The following BIN3 variants were observed in gnomAD, a reference collection of about 807,000 sequenced individuals.
BIN3 encodes bridging integrator 3.
Under a neutral mutation model 38.2 loss-of-function variants are expected in BIN3, and 41 were observed. The ratio of observed to expected loss-of-function variants is 1.07; its 90% CI spans 0.84 to 1.39. The LOEUF (loss-of-function observed/expected upper bound fraction) is 1.39. Ranked by LOEUF, BIN3 falls within the 40% of genes most tolerant of loss-of-function variation. The pLI, the probability that BIN3 is intolerant of heterozygous loss-of-function variation, is 0.00. For synonymous variants in BIN3, 145 were observed against 122.6 expected (o/e 1.18, Z -1.21); for missense variants, 361 against 324.3 (o/e 1.11, Z -0.87).
intron 2 of BIN3, among the ~76,000 whole-genome samples, chr8:22,640,946 T>C (rs1453176434): frequency 6.6e-6 from 1 of 152,064 alleles, no homozygotes; most frequent in African/African-American, 2.4e-5. Flanking sequence ...TTGGACACAT[T>C]TCACCTCCCC....
At chr8:22,630,645 C>T (rs1167234240) in intron 4 of BIN3, 67 bp from the exon 5 acceptor site, 2 of 1,578,640 alleles carry the variant, frequency 1.3e-6, no homozygotes, top group African/African-American at 2.7e-5. Context: ...CTCTCCAGGA[C>T]CCCGTCCTCC....
intron 1 of BIN3, among the ~76,000 whole-genome samples, chr8:22,658,558 G>A (rs1270675300): frequency 1.3e-5 from 2 of 152,170 alleles, no homozygotes; most frequent in Non-Finnish European, 2.9e-5. Flanking sequence ...TCCCTCTGCA[G>A]AGGCAGAGAT....
chr8:22,630,328 G>C (rs1204834714), intron 5 of BIN3, 114 bp downstream of exon 5: 1 of 1,431,988 alleles, frequency 7.0e-7, no homozygotes, highest in East Asian at 2.3e-5. Context: ...GAGGCCAGAG[G>C]GCTTAGAGCC....
chr8:22,621,788 C>A (rs1040982869), intron 8 of BIN3, among the ~76,000 whole-genome samples: 3 of 152,106 alleles, frequency 2.0e-5, no homozygotes, highest in African/African-American at 7.2e-5. Context: ...GGTGGAGGCG[C>A]CCCTGCTTCG....
intron 2 of BIN3, chr8:22,644,522 C>G: frequency 1.9e-6 from 1 of 513,516 alleles, no homozygotes; most frequent in Non-Finnish European, 3.6e-6. Context: ...ACCCATTCCC[C>G]CTGCCCAAGG....
At chr8:22,650,349 T>C (rs927979121) in intron 1 of BIN3, among the ~76,000 whole-genome samples, 5 of 152,242 alleles carry the variant, frequency 3.3e-5, no homozygotes, top group African/African-American at 1.2e-4. Context: ...CTTGGATTAG[T>C]GTTTGCCTTT....
rs367655750 is a variant in BIN3, at chr8:22,630,562, G to A, written c.177C>T (p.Ala59=). 1.7e-4 allele frequency: 281 copies of A among 1,613,918 alleles called. No homozygotes were observed. The South Asian group carries it at 1.8e-3, about 10-fold the overall frequency. ...TDADLAMSKS[A]VKISLDLLSN... ...AGAGTAAGTCCAAGGATATCTTCACGGCAGATTTTGACATGGCTGTGGGAA... is the reference window on the plus strand; with the variant it reads ...AGAGTAAGTCCAAGGATATCTTCACAGCAGATTTTGACATGGCTGTGGGAA... The change falls in exon 5 of 9, where the codon GCC becomes GCT. Residue 59 remains alanine, a synonymous_variant. Transcript: ENST00000276416.
At position 22,621,155 on chromosome 8, in the gene BIN3, C is replaced by G. The variant is rs1335546012; in HGVS notation, c.*267G>C. 1 of 444,500 alleles carries G rather than the reference C, an allele frequency of 2.2e-6. No individual in the cohort carries two copies. The highest frequency in any genetic ancestry group is 4.1e-6 in the Non-Finnish European group (1 of 245,996). 27.5% of individuals were successfully genotyped at this position (444,500 alleles called of 1,614,324 possible). On this transcript the variant is annotated 3_prime_UTR_variant, in exon 9 of 9. Coordinates refer to ENST00000276416, the MANE Select transcript of BIN3 (RefSeq NM_018688.6). ...GGCTGCAGCTTGCTCAGGCCGTGGG[C>G]CAGGATGCATGCTGGACGGTTCTCC...
chr8:22,659,220 G>A (rs1442448505), intron 1 of BIN3, among the ~76,000 whole-genome samples: 1 of 152,204 alleles, frequency 6.6e-6, no homozygotes. Context: ...CAGGAAAGAG[G>A]GACATGAACT....
chr8:22,629,969 T>A lies in BIN3; in HGVS notation c.333A>T (p.Leu111Phe), dbSNP rs761480125. The change falls in exon 6 of 9, where the codon TTA becomes TTT. Residue 111 changes from leucine (L) to phenylalanine (F), a missense_variant. Physicochemically the swap from Leu to Phe is conservative, Grantham distance 22. Transcript: ENST00000276416. ...CCCAGGTGACATTTACTCACTTTTT[T>A]AAGGGCTCGATCACAGTCTTCTGGA... ...NQIQKTVIEP[L>F]KKFGSVFPSL... is the part of the protein sequence containing the mutation. 1.2e-6 allele frequency: 2 copies of A among 1,608,602 alleles called. No individual in the cohort carries two copies. Among genetic ancestry groups the A allele is most frequent in the Non-Finnish European group, 1.7e-6 (2 of 1,177,266 alleles).
intron 1 of BIN3, among the ~76,000 whole-genome samples, chr8:22,651,553 TC>T (rs1802891160): frequency 6.6e-6 from 1 of 152,226 alleles, no homozygotes; most frequent in Non-Finnish European, 1.5e-5. Context: ...ACCTTGTTCT[TC>T]TACCTGCAGG....
intron 6 of BIN3, 93 bp downstream of exon 6, chr8:22,629,871 G>A (rs1476183637): frequency 1.6e-6 from 2 of 1,253,058 alleles, no homozygotes; most frequent in Non-Finnish European, 2.3e-6. Context: ...GGAATCTGGG[G>A]ACACGCAGCT....
In BIN3 at chr8:22,630,022, A is replaced by G. The variant is rs772594690; in HGVS notation, c.298-18T>C. On this transcript the variant is annotated intron_variant, in intron 5 of 8. Coordinates refer to ENST00000276416, the MANE Select transcript of BIN3 (RefSeq NM_018688.6). ...TGGTTCACCTGTCAAAGAAAAACCCAAAGACATTAAAACTGGTGGGGAGGG... is the reference window on the plus strand; with the variant it reads ...TGGTTCACCTGTCAAAGAAAAACCCGAAGACATTAAAACTGGTGGGGAGGG... The G allele has an allele frequency of 3.1e-6, 5 of 1,604,460 alleles. No individual in the cohort carries two copies. The highest frequency in any genetic ancestry group is 1.1e-5 in the South Asian group (1 of 89,476).
intron 1 of BIN3, among the ~76,000 whole-genome samples, chr8:22,657,344 A>G (rs926994741): frequency 1.3e-5 from 2 of 152,214 alleles, no homozygotes; most frequent in Non-Finnish European, 2.9e-5. Context: ...ATCCTTGTGT[A>G]ACCAAAAAAC....
At chr8:22,630,979 CAAG>C (rs1802179827) in intron 4 of BIN3, among the ~76,000 whole-genome samples, 1 of 152,158 alleles carries the variant, frequency 6.6e-6, no homozygotes, top group African/African-American at 2.4e-5. Context: ...CCTGGATGGA[CAAG>C]AATAACAGTA....
chr8:22,623,976 C>A lies in BIN3; in HGVS notation c.554G>T (p.Arg185Leu), dbSNP rs367585153. 6.2e-7 allele frequency: 1 copy of A among 1,612,256 alleles called. No homozygotes were observed. The highest frequency in any genetic ancestry group is 8.5e-7 in the Non-Finnish European group (1 of 1,179,616). ...GTAGTCGAGGCGGCTGCCGTAGAAG[C>A]GCGGCATCTCCTCCAGCAGCTGCCT... is the stretch of plus-strand genomic sequence containing the variant. ...KNRQLLEEMP[R>L]FYGSRLDYFQ... Residue 185 changes from arginine to leucine, a missense_variant, in exon 8 of 9, where the codon CGC (arginine) becomes CTC (leucine). Arg to Leu is a moderately radical substitution (Grantham distance 102, BLOSUM62 -2). Coordinates refer to ENST00000276416, the MANE Select transcript of BIN3 (RefSeq NM_018688.6).
intron 4 of BIN3, among the ~76,000 whole-genome samples, chr8:22,635,788 T>G (rs1449768021): frequency 6.6e-6 from 1 of 152,104 alleles, no homozygotes; most frequent in African/African-American, 2.4e-5. Context: ...GGTGGGAAAG[T>G]CAAGGCCTTG....
At chr8:22,668,526 C>T (rs562527417) in intron 1 of BIN3, among the ~76,000 whole-genome samples, 12 of 152,336 alleles carry the variant, frequency 7.9e-5, no homozygotes, top group African/African-American at 2.9e-4. Flanking sequence ...GAGTGTAATT[C>T]TGGCCCCTTT....
intron 1 of BIN3, 48 bp downstream of exon 1, chr8:22,668,996 T>TCGCGGGTCCGCGGGTC (rs570969502): frequency 6.4e-7 from 1 of 1,559,300 alleles, no homozygotes; most frequent in African/African-American, 1.4e-5. Flanking sequence ...GCCAGGGGCC[T>TCGCGGGTCCGCGGGTC]CGCGGGTCCG....
Sources: gnomAD v4.1 joint callset for allele counts (sites outside exome capture counted in the v4.1 genomes callset) on GRCh38, gnomAD v4.1.1 for gene constraint, MANE v1.5 for transcripts, NCBI Gene and HGNC (gene_info 2026-07-23, HGNC 2026-07-21) for gene names.